AUTS2: variants seen among roughly 807,000 people sequenced by gnomAD.
AUTS2 encodes autism susceptibility gene 2 protein.
In AUTS2, 17 loss-of-function variants were observed where a neutral mutation model predicts 112.4. The observed-to-expected ratio is 0.15, with a 90% CI of 0.10 to 0.23. The LOEUF is 0.23. Ranked by LOEUF, AUTS2 falls within the 10% of genes least tolerant of loss-of-function variation. The probability of loss-of-function intolerance (pLI) is 1.00; values close to 1 mark genes in which losing one functional copy is unlikely to be tolerated. For synonymous variants in AUTS2, 751 were observed against 702.7 expected (o/e 1.07, Z -1.09); for missense variants, 1,510 against 1,701.6 (o/e 0.89, Z 1.98).
At chr7:70,080,166 G>T (rs1163823212) in intron 2 of AUTS2, among the ~76,000 whole-genome samples, 1 of 152,172 alleles carries the variant, frequency 6.6e-6, no homozygotes, top group Non-Finnish European at 1.5e-5. Flanking sequence ...ACACTTAAAA[G>T]AATGATGGAG....
intron 2 of AUTS2, among the ~76,000 whole-genome samples, chr7:69,934,858 C>T (rs2129544318): frequency 6.6e-6 from 1 of 152,308 alleles, no homozygotes; most frequent in Middle Eastern, 3.4e-3. Flanking sequence ...GCTGTGCTTG[C>T]CAGGGCCCCA....
intron 2 of AUTS2, among the ~76,000 whole-genome samples, chr7:69,907,094 G>A (rs1795177452): frequency 6.6e-6 from 1 of 152,292 alleles, no homozygotes; most frequent in Non-Finnish European, 1.5e-5. Flanking sequence ...GCAACAGAGC[G>A]AGGTCCTGTC....
chr7:69,722,301 G>T (rs1350050575), intron 1 of AUTS2, among the ~76,000 whole-genome samples: 1 of 152,030 alleles, frequency 6.6e-6, no homozygotes, highest in Non-Finnish European at 1.5e-5. Context: ...GATACAAAGG[G>T]AAGGAGAAGG....
intron 1 of AUTS2, among the ~76,000 whole-genome samples, chr7:69,890,912 T>C (rs909499043): frequency 8.5e-5 from 13 of 152,244 alleles, no homozygotes; most frequent in African/African-American, 3.1e-4. Context: ...GAATGTAATC[T>C]AGTTGTTAGG....
At chr7:70,082,570 T>C (rs1050228525) in intron 2 of AUTS2, among the ~76,000 whole-genome samples, 1 of 152,248 alleles carries the variant, frequency 6.6e-6, no homozygotes, top group Non-Finnish European at 1.5e-5. Context: ...ATATGGTTGG[T>C]CTGAAGACTT....
chr7:70,041,257 TA>T (rs556861898), intron 2 of AUTS2, among the ~76,000 whole-genome samples: 173 of 152,294 alleles, frequency 1.1e-3, no homozygotes, highest in African/African-American at 3.9e-3. Context: ...CATACTCTCT[TA>T]AAAAAATATT....
chr7:69,995,022 G>A (rs1366415377), intron 2 of AUTS2, among the ~76,000 whole-genome samples: 1 of 152,106 alleles, frequency 6.6e-6, no homozygotes, highest in African/African-American at 2.4e-5. Flanking sequence ...GGGCTGTACC[G>A]GGCTTTGTGG....
intron 2 of AUTS2, among the ~76,000 whole-genome samples, chr7:70,056,777 G>A (rs1294682878): frequency 6.6e-6 from 1 of 152,182 alleles, no homozygotes; most frequent in Non-Finnish European, 1.5e-5. Context: ...CGCTTCCGAA[G>A]ATGGAATACC....
chr7:70,120,686 C>G (rs1206277412), intron 3 of AUTS2, among the ~76,000 whole-genome samples: 1 of 152,094 alleles, frequency 6.6e-6, no homozygotes, highest in Non-Finnish European at 1.5e-5. Flanking sequence ...TTTCCTCTAA[C>G]TCACTTTCTG....
At chr7:70,332,989 C>T (rs879442984) in intron 4 of AUTS2, among the ~76,000 whole-genome samples, 15 of 151,978 alleles carry the variant, frequency 9.9e-5, no homozygotes, top group East Asian at 1.9e-4. Flanking sequence ...AAAGAGCTTC[C>T]GCACAGCAAA....
chr7:69,601,453 G>A (rs1243842897), intron 1 of AUTS2, among the ~76,000 whole-genome samples: 2 of 152,112 alleles, frequency 1.3e-5, no homozygotes, highest in Non-Finnish European at 2.9e-5. Context: ...TCAAAGGAAG[G>A]CTTCCTATCA....
At chr7:70,208,511 TA>T (rs1187101751) in intron 4 of AUTS2, among the ~76,000 whole-genome samples, 3 of 152,044 alleles carry the variant, frequency 2.0e-5, no homozygotes, top group African/African-American at 7.2e-5. Context: ...GTTGGTCAGT[TA>T]AAAAAAATTT....
At chr7:70,084,459 CAAT>C (rs2129565739) in intron 2 of AUTS2, among the ~76,000 whole-genome samples, 1 of 152,248 alleles carries the variant, frequency 6.6e-6, no homozygotes, top group South Asian at 2.1e-4. Flanking sequence ...AACTGCCAAA[CAAT>C]AATCAAAGTG....
intron 2 of AUTS2, among the ~76,000 whole-genome samples, chr7:70,014,855 A>G (rs1799959588): frequency 6.6e-6 from 1 of 152,236 alleles, no homozygotes; most frequent in African/African-American, 2.4e-5. Flanking sequence ...CTAGTTTTCC[A>G]GGGCTTATAC....
intron 6 of AUTS2, among the ~76,000 whole-genome samples, chr7:70,724,465 A>ATTTTTTTTTTTT (rs1786897630): frequency 2.0e-5 from 1 of 50,622 alleles, no homozygotes. Context: ...TTTTTTTTTG[A>ATTTTTTTTTTTT]GACAGAGTCT....
chr7:70,339,915 T>G (rs1478008959), intron 4 of AUTS2, among the ~76,000 whole-genome samples: 2 of 152,158 alleles, frequency 1.3e-5, no homozygotes, highest in Admixed American at 6.5e-5. Context: ...ATACCGCTGA[T>G]GTACTGCACT....
rs544339826 is a variant in AUTS2, at chr7:69,731,693, C to T, written c.309+131731C>T. Among the ~76,000 whole-genome samples, 394 of 152,254 alleles carry T rather than the reference C, an allele frequency of 2.6e-3. 1 individual carries two copies. The highest frequency in any genetic ancestry group is 9.1e-3 in the African/African-American group (380 of 41,554). ...CAAGAGGTTGTTCCCTTTTTGGGAC[C>T]TGTACAGCTTGTGTATACTCAGTTG... On this transcript the variant is annotated intron_variant, in intron 1 of 18. Coordinates refer to ENST00000342771, the MANE Select transcript of AUTS2 (RefSeq NM_015570.4).
intron 2 of AUTS2, among the ~76,000 whole-genome samples, chr7:70,085,114 C>A (rs1256661615): frequency 6.6e-6 from 1 of 152,058 alleles, no homozygotes; most frequent in African/African-American, 2.4e-5. Context: ...TGAGCTCAAT[C>A]AATCCTCCTG....
At chr7:70,731,418 A>ATTTT (rs1787378557) in intron 6 of AUTS2, among the ~76,000 whole-genome samples, 50 of 89,754 alleles carry the variant, frequency 5.6e-4, no homozygotes, top group East Asian at 2.0e-3. Context: ...CTTTACCCAG[A>ATTTT]TCTTTTTTTT....
Sources: allele counts gnomAD v4.1 joint callset (sites outside exome capture counted in the v4.1 genomes callset), GRCh38; gene constraint gnomAD v4.1.1; transcripts MANE v1.5; gene names NCBI Gene and HGNC (gene_info 2026-07-23, HGNC 2026-07-21).